The following PRDM8 variants were observed in gnomAD, a reference collection of about 807,000 sequenced individuals.
The protein encoded by PRDM8 is PR domain zinc finger protein 8.
Under a neutral mutation model 46.5 loss-of-function variants are expected in PRDM8, and 13 were observed. The observed-to-expected ratio is 0.28, with a 90% confidence interval of 0.18 to 0.44. The LOEUF is 0.44. Among genes scored for constraint, PRDM8 ranks in the 20% least tolerant of loss-of-function variants. PRDM8 has a pLI of 1.00. For synonymous variants in PRDM8, 473 were observed against 438.4 expected (o/e 1.08, Z -0.98); for missense variants, 998 against 955.0 (o/e 1.04, Z -0.59).
intron 1 of PRDM8, among the ~76,000 whole-genome samples, chr4:80,188,547 C>T (rs1038464629): frequency 6.6e-6 from 1 of 152,154 alleles, no homozygotes; most frequent in Non-Finnish European, 1.5e-5. Flanking sequence ...ATGTAATTTG[C>T]TCAAACACAC....
At chr4:80,187,970 T>C (rs1737250902) in intron 1 of PRDM8, among the ~76,000 whole-genome samples, 1 of 152,208 alleles carries the variant, frequency 6.6e-6, no homozygotes, top group South Asian at 2.1e-4. Context: ...GTTGAGTGTC[T>C]TCCATGTTCC....
intron 1 of PRDM8, among the ~76,000 whole-genome samples, chr4:80,188,738 G>T (rs1386586340): frequency 6.6e-6 from 1 of 152,238 alleles, no homozygotes; most frequent in Non-Finnish European, 1.5e-5. Context: ...TTGAGACGGT[G>T]CGCGTGGGGA....
rs1738772648 is a variant in PRDM8, at chr4:80,203,739, C to T, written c.*207C>T. ...TTCAAATATTTACCCGGGACACACA[C>T]CCCCCCCCACACACACACACAGACA... is the stretch of plus-strand genomic sequence containing the variant. On this transcript the variant is annotated 3_prime_UTR_variant, in exon 4 of 4. Transcript: ENST00000415738. 2.8e-6 allele frequency: 1 copy of T among 357,944 alleles called. No homozygotes were observed. 22.2% of individuals were successfully genotyped at this position (357,944 alleles called of 1,614,324 possible).
At chr4:80,198,560 T>C (rs1278412385) in intron 1 of PRDM8, among the ~76,000 whole-genome samples, 1 of 152,202 alleles carries the variant, frequency 6.6e-6, no homozygotes, top group East Asian at 1.9e-4. Flanking sequence ...AAAAAGTTTC[T>C]ACTTTATGGA....
chr4:80,198,289 G>C (rs145195868), intron 1 of PRDM8, among the ~76,000 whole-genome samples: 2 of 152,218 alleles, frequency 1.3e-5, no homozygotes, highest in African/African-American at 4.8e-5. Flanking sequence ...TTTAATGACT[G>C]TGTCCCTGCT....
chr4:80,202,643 G>T lies in PRDM8; in HGVS notation c.1181G>T (p.Arg394Leu). 6.6e-7 allele frequency: 1 copy of T among 1,509,050 alleles called. No individual in the cohort carries two copies. The highest frequency in any genetic ancestry group is 1.2e-5 in the South Asian group (1 of 81,258). 93.5% of individuals were successfully genotyped at this position (1,509,050 alleles called of 1,614,324 possible). ...TTCGTGGAGGTGAAGAAGGCTGCCC[G>T]CGCGGCCAGCCTGCAGGAGGAGGGG... is the stretch of plus-strand genomic sequence containing the variant. The part of the protein sequence containing the change: ...SAFVEVKKAA[R>L]AASLQEEGTA... The change falls in exon 4 of 4, where the codon CGC becomes CTC. Residue 394 changes from arginine to leucine, a missense_variant. Physicochemically the swap from Arg to Leu is moderately radical, Grantham distance 102. Coordinates refer to ENST00000415738, the MANE Select transcript of PRDM8 (RefSeq NM_001099403.2).
rs760182185 is a variant in PRDM8 at position 80,202,277 on chromosome 4, G to T, written c.815G>T (p.Arg272Leu). ...CTGGCCAGGGAGCTGGAAAACTCCCGGGGAGGCAGCAGCTGCTCCCCAGCC... is the reference window on the plus strand; with the variant it reads ...CTGGCCAGGGAGCTGGAAAACTCCCTGGGAGGCAGCAGCTGCTCCCCAGCC... ...HNLARELENS[R>L]GGSSCSPAQS... Residue 272 changes from arginine to leucine, a missense_variant, in exon 4 of 4, where the codon CGG becomes CTG. Transcript: ENST00000415738. 1 of 1,609,982 alleles carries T rather than the reference G, an allele frequency of 6.2e-7. No homozygotes were observed. The highest frequency in any genetic ancestry group is 8.5e-7 in the Non-Finnish European group (1 of 1,179,180).
At chr4:80,201,702 T>A (rs1738468532) in intron 3 of PRDM8, among the ~76,000 whole-genome samples, 181 bp downstream of exon 3, 1 of 152,128 alleles carries the variant, frequency 6.6e-6, no homozygotes. Context: ...CGAGGAAACT[T>A]GCTTGTTTGC....
chr4:80,189,669 A>C (rs1737398337), intron 1 of PRDM8: 1 of 152,214 alleles, frequency 6.6e-6, no homozygotes, highest in African/African-American at 2.4e-5. Flanking sequence ...GTATCACCTC[A>C]GCACTAACTT....
chr4:80,203,623 C>A lies in PRDM8; in HGVS notation c.*91C>A. The A allele has an allele frequency of 6.8e-7, 1 of 1,472,538 alleles. No individual in the cohort carries two copies. The highest frequency in any genetic ancestry group is 9.0e-7 in the Non-Finnish European group (1 of 1,110,774). 91.2% of individuals were successfully genotyped at this position (1,472,538 alleles called of 1,614,324 possible). A position where few individuals can be genotyped will look rare whatever the true frequency, so the allele number is the denominator to read the frequency against. On this transcript the variant is annotated 3_prime_UTR_variant, in exon 4 of 4. Coordinates refer to ENST00000415738, the MANE Select transcript of PRDM8 (RefSeq NM_001099403.2). ...CGCGAGAACATCCACCGCTTCCTTG[C>A]ACCCCGAAACCCTGCACAAAGACAC... is the stretch of plus-strand genomic sequence containing the variant.
Position 80,201,859 on chromosome 4 carries a change from C to CGTGTGT in PRDM8, c.452-43_452-38dup, listed in dbSNP as rs141824276. 2.8e-6 allele frequency: 4 copies of CGTGTGT among 1,405,422 alleles called. No homozygotes were observed. The African/African-American group carries it at 4.4e-5, about 15-fold the overall frequency. The allele number at this position is 1,405,422 out of a possible 1,614,324, so 87.1% of individuals were successfully genotyped here. On this transcript the variant is annotated intron_variant, in intron 3 of 3. Transcript: ENST00000415738. ...CGATGCTGAGTAATCATGTGGTGTG[C>CGTGTGT]GTGTGTGTGTGTGTGTGCGTGCGTG...
intron 1 of PRDM8, among the ~76,000 whole-genome samples, chr4:80,198,065 G>C (rs1382917032): frequency 2.0e-5 from 3 of 152,224 alleles, no homozygotes; most frequent in African/African-American, 7.2e-5. Context: ...TATATTCCCA[G>C]GGCAGGCGGA....
Position 80,202,402 on chromosome 4 carries a change from A to G in PRDM8, c.940A>G (p.Arg314Gly), listed in dbSNP as rs769365726. 1 of 1,566,828 alleles carries G rather than the reference A, an allele frequency of 6.4e-7. No individual in the cohort carries two copies. The highest frequency in any genetic ancestry group is 8.6e-7 in the Non-Finnish European group (1 of 1,157,072). The change falls in exon 4 of 4, where the codon AGG becomes GGG. Residue 314 changes from arginine (R) to glycine (G), a missense_variant. Coordinates refer to ENST00000415738, the MANE Select transcript of PRDM8 (RefSeq NM_001099403.2). ...GIATGGGKGK[R>G]KFPEEAAEGG... ...CGCCACGGGCGGCGGCAAAGGAAAG[A>G]GGAAATTCCCGGAGGAGGCGGCGGA...
intron 1 of PRDM8, among the ~76,000 whole-genome samples, chr4:80,187,336 T>A (rs1009994605): frequency 6.6e-6 from 1 of 151,052 alleles, no homozygotes; most frequent in African/African-American, 2.4e-5. Flanking sequence ...AAAATATTAT[T>A]GTCCATTATT....
intron 1 of PRDM8, among the ~76,000 whole-genome samples, chr4:80,187,110 A>G (rs6834136): frequency 0.83 from 125,761 of 152,178 alleles, 52,268 homozygotes; most frequent in East Asian, 0.92. Context: ...CTTTGCCCCC[A>G]GGGTAGAACA....
chr4:80,196,034 TG>T, upstream of PRDM8: 1 of 984,228 alleles, frequency 1.0e-6, no homozygotes, highest in Non-Finnish European at 1.2e-6. Context: ...CCTGGCCTCC[TG>T]GGACTGCAGT....
At position 80,202,371 on chromosome 4, in the gene PRDM8, C is replaced by G; in HGVS notation, c.909C>G (p.Asp303Glu). 1 of 1,593,150 alleles carries G rather than the reference C, an allele frequency of 6.3e-7. No individual in the cohort carries two copies. The highest frequency in any genetic ancestry group is 8.5e-7 in the Non-Finnish European group (1 of 1,169,940). Residue 303 changes from aspartate to glutamate, a missense_variant, in exon 4 of 4, where the codon GAC becomes GAG. Asp to Glu is a conservative substitution (Grantham distance 45, BLOSUM62 2). Coordinates refer to ENST00000415738, the MANE Select transcript of PRDM8 (RefSeq NM_001099403.2). ...ACCAGGAGGCGGAGCTGAGTCCCGA[C>G]GGCATCGCCACGGGCGGCGGCAAAG... ...GGHQEAELSP[D>E]GIATGGGKGK...
chr4:80,196,770 G>A (rs1335812350), upstream of PRDM8, among the ~76,000 whole-genome samples: 1 of 151,964 alleles, frequency 6.6e-6, no homozygotes, highest in Non-Finnish European at 1.5e-5. Flanking sequence ...AACTGTTTGA[G>A]TCCAGTAACC....
rs150632206 is a variant in PRDM8, at chr4:80,203,145, C to T, written c.1683C>T (p.Ser561=). ...GAADLNGGCG[S]LPSGGGGLPK... ...CGGACCTGAACGGAGGTTGCGGGTC[C>T]CTGCCGAGCGGCGGCGGCGGCCTGC... is the stretch of plus-strand genomic sequence containing the variant. The change falls in exon 4 of 4, where the codon TCC becomes TCT. Residue 561 remains serine (S), a synonymous_variant. Coordinates refer to ENST00000415738, the MANE Select transcript of PRDM8 (RefSeq NM_001099403.2). 3.4e-3 allele frequency: 5,235 copies of T among 1,554,360 alleles called. 158 individuals are homozygous for T. The African/African-American group carries it at 0.063, about 19-fold the overall frequency.
Sources: allele counts gnomAD v4.1 joint callset (sites outside exome capture counted in the v4.1 genomes callset), GRCh38; gene constraint gnomAD v4.1.1; transcripts MANE v1.5; gene names NCBI Gene and HGNC (gene_info 2026-07-23, HGNC 2026-07-21).